Variants in SLCO1A2 observed in about 807,000 individuals in gnomAD.
The protein encoded by SLCO1A2 is solute carrier organic anion transporter family member 1A2.
In SLCO1A2, 67 loss-of-function variants were observed where a neutral mutation model predicts 69.0. That is an observed-to-expected ratio of 0.97 (90% CI 0.80 to 1.19). SLCO1A2 has a LOEUF of 1.19. Ranked by LOEUF, SLCO1A2 falls within the 50% of genes most tolerant of loss-of-function variation. The pLI is 0.00. For missense variants in SLCO1A2, 787 were observed against 793.7 expected, an observed-to-expected ratio of 0.99 and a Z score of 0.10; for synonymous variants, 260 against 265.9, an observed-to-expected ratio of 0.98 and a Z score of 0.22.
intron 12 of SLCO1A2, among the ~76,000 whole-genome samples, chr12:21,290,429 G>C (rs925029424): frequency 1.3e-5 from 2 of 152,126 alleles, no homozygotes; most frequent in African/African-American, 4.8e-5. Flanking sequence ...CAAGGCCAAA[G>C]TAATTAAATC....
At chr12:21,378,453 T>C in intron 1 of SLCO1A2, 9 of 1,559,090 alleles carry the variant, frequency 5.8e-6, no homozygotes, top group Non-Finnish European at 8.0e-6. Context: ...ATAGTTATTG[T>C]TTTATGTTCT....
intron 2 of SLCO1A2, among the ~76,000 whole-genome samples, chr12:21,349,922 C>G (rs1487330806): frequency 6.6e-6 from 1 of 152,142 alleles, no homozygotes; most frequent in Non-Finnish European, 1.5e-5. Flanking sequence ...ACTTTAAGTT[C>G]CATCAAAGTA....
At chr12:21,370,367 T>C (rs1182200993) in intron 2 of SLCO1A2, among the ~76,000 whole-genome samples, 1 of 151,956 alleles carries the variant, frequency 6.6e-6, no homozygotes, top group African/African-American at 2.4e-5. Flanking sequence ...TTAGGGTACA[T>C]GTGCATAACG....
chr12:21,407,065 C>T (rs927097760), intron 1 of SLCO1A2, among the ~76,000 whole-genome samples: 2 of 152,072 alleles, frequency 1.3e-5, no homozygotes, highest in Non-Finnish European at 2.9e-5. Flanking sequence ...TCATCCAAGG[C>T]TTTTACGAAA....
intron 1 of SLCO1A2, chr12:21,378,327 T>G: frequency 6.2e-7 from 1 of 1,614,194 alleles, no homozygotes; most frequent in Non-Finnish European, 8.5e-7. Context: ...ACAACTTTGG[T>G]GCCATTCTCT....
At chr12:21,408,814 G>C (rs572508571) in intron 1 of SLCO1A2, among the ~76,000 whole-genome samples, 1 of 152,092 alleles carries the variant, frequency 6.6e-6, no homozygotes, top group South Asian at 2.1e-4. Context: ...AAGTGAGCTT[G>C]TTGTCCATCC....
At chr12:21,403,513 T>C (rs1941770928) in intron 1 of SLCO1A2, 2 of 152,132 alleles carry the variant, frequency 1.3e-5, no homozygotes, top group Admixed American at 1.3e-4. Context: ...CCAGTATGAA[T>C]AAGGCACCTC....
Position 21,268,721 on chromosome 12 carries a change from A to G in SLCO1A2, c.*827T>C, listed in dbSNP as rs115656549. 1.3e-3 allele frequency: 203 copies of G among 152,218 alleles called. 1 individual carries two copies. Among genetic ancestry groups the G allele is most frequent in the African/African-American group, 4.6e-3 (191 of 41,556 alleles). The allele number at this position is 152,218 out of a possible 1,614,324, so 9.4% of individuals were successfully genotyped here. On this transcript the variant is annotated 3_prime_UTR_variant, in exon 15 of 15. Transcript: ENST00000683939. ...ATGGGTGATATAAACATCGGTCTAA[A>G]GAGTCCTGAATCTTAGAAAGTGGTT...
chr12:21,287,935 G>T (rs1448167121), intron 12 of SLCO1A2, among the ~76,000 whole-genome samples: 1 of 128,602 alleles, frequency 7.8e-6, no homozygotes, highest in Non-Finnish European at 1.6e-5. Context: ...TGGGTGCAGC[G>T]CACCAGCATG....
chr12:21,378,332 T>C (rs773753046), intron 1 of SLCO1A2: 1 of 1,614,088 alleles, frequency 6.2e-7, no homozygotes, highest in East Asian at 2.2e-5. Context: ...TTTGGTGCCA[T>C]TCTCTCATCT....
intron 8 of SLCO1A2, 32 bp from the exon 9 acceptor site, chr12:21,297,600 G>C: frequency 6.8e-7 from 1 of 1,461,162 alleles, no homozygotes; most frequent in Non-Finnish European, 9.2e-7. Context: ...TGTGTCAAAC[G>C]AACTTGGCTT....
At chr12:21,384,314 C>A (rs1374183204) in intron 1 of SLCO1A2, among the ~76,000 whole-genome samples, 1 of 152,124 alleles carries the variant, frequency 6.6e-6, no homozygotes, top group Non-Finnish European at 1.5e-5. Flanking sequence ...CTACCCAAAT[C>A]CTAAATGAGA....
chr12:21,315,680 A>T (rs1950782495), intron 3 of SLCO1A2, among the ~76,000 whole-genome samples: 1 of 152,146 alleles, frequency 6.6e-6, no homozygotes, highest in Admixed American at 6.5e-5. Flanking sequence ...ATTATTTTAT[A>T]TGGAGAGCGC....
chr12:21,418,806 G>C (rs1177576635), upstream of SLCO1A2, among the ~76,000 whole-genome samples: 1 of 152,126 alleles, frequency 6.6e-6, no homozygotes, highest in Non-Finnish European at 1.5e-5. Context: ...TCTACTATTA[G>C]TAGTGATGGT....
chr12:21,401,963 T>C (rs923040465), intron 1 of SLCO1A2, among the ~76,000 whole-genome samples: 7 of 151,660 alleles, frequency 4.6e-5, no homozygotes, highest in Non-Finnish European at 7.4e-5. Context: ...TAAATGATTT[T>C]ATAATTATAA....
chr12:21,285,304 C>T (rs1019224481), intron 12 of SLCO1A2, among the ~76,000 whole-genome samples: 19 of 152,238 alleles, frequency 1.2e-4, no homozygotes, highest in African/African-American at 4.6e-4. Flanking sequence ...CAAGACTAAA[C>T]AAGGAAGAAG....
rs755701924 is a variant in SLCO1A2 at position 21,300,415 on chromosome 12, G to C, written c.843C>G (p.Ile281Met). The C allele has an allele frequency of 6.2e-7, 1 of 1,613,054 alleles. No homozygotes were observed. The highest frequency in any genetic ancestry group is 8.5e-7 in the Non-Finnish European group (1 of 1,179,592). The change falls in exon 8 of 15, where the codon ATC becomes ATG. Residue 281 changes from isoleucine to methionine, a missense_variant. Transcript: ENST00000683939. ...GTTTGTCTTCATTTTCATTTTTAATGATGTCAGCATTAGTCTCTAGTCCTT... is the reference window on the plus strand; with the variant it reads ...GTTTGTCTTCATTTTCATTTTTAATCATGTCAGCATTAGTCTCTAGTCCTT... Reference protein sequence around the residue: ...PKEGLETNADIIKNENEDKQK... With the variant: ...PKEGLETNADMIKNENEDKQK...
chr12:21,368,044 T>C (rs754458031), intron 2 of SLCO1A2, among the ~76,000 whole-genome samples: 1 of 152,134 alleles, frequency 6.6e-6, no homozygotes, highest in Non-Finnish European at 1.5e-5. Flanking sequence ...TCAGCAAAGA[T>C]TGCTAAAACC....
intron 1 of SLCO1A2, among the ~76,000 whole-genome samples, chr12:21,401,413 TGAA>T (rs1209431447): frequency 6.6e-6 from 1 of 151,766 alleles, no homozygotes; most frequent in African/African-American, 2.4e-5. Flanking sequence ...TGCAACTGTA[TGAA>T]GAAGAATACA....
Sources: allele counts gnomAD v4.1 joint callset (sites outside exome capture counted in the v4.1 genomes callset), GRCh38; gene constraint gnomAD v4.1.1; transcripts MANE v1.5; gene names NCBI Gene and HGNC (gene_info 2026-07-23, HGNC 2026-07-21).